Variants in PRKCH observed in about 807,000 individuals in gnomAD.
PRKCH encodes protein kinase C eta type.
In PRKCH, 28 loss-of-function variants were observed where a neutral mutation model predicts 82.5. The observed-to-expected ratio is 0.34, with a 90% CI of 0.25 to 0.47. The LOEUF (loss-of-function observed/expected upper bound fraction) is 0.47. Ranked by LOEUF, PRKCH falls within the 20% of genes least tolerant of loss-of-function variation. The pLI is 1.00. For missense variants in PRKCH, 705 were observed against 881.8 expected (o/e 0.80, Z 2.54); for synonymous variants, 322 against 327.4 (o/e 0.98, Z 0.18).
chr14:61,194,652 C>T (rs1214508783), intron 1 of PRKCH, among the ~76,000 whole-genome samples: 1 of 152,056 alleles, frequency 6.6e-6, no homozygotes, highest in African/African-American at 2.4e-5. Context: ...ATCCATTTAC[C>T]CTATTTTGGC....
At chr14:61,378,149 T>C (rs576717902) in intron 1 of PRKCH, among the ~76,000 whole-genome samples, 1 of 152,284 alleles carries the variant, frequency 6.6e-6, no homozygotes, top group South Asian at 2.1e-4. Context: ...ATTCAGGGTC[T>C]CACTTCCCAG....
At chr14:61,357,866 C>G (rs1418721067) in intron 1 of PRKCH, among the ~76,000 whole-genome samples, 1 of 152,024 alleles carries the variant, frequency 6.6e-6, no homozygotes, top group Non-Finnish European at 1.5e-5. Context: ...TATACTCTGG[C>G]CTTGGGACTT....
intron 10 of PRKCH, among the ~76,000 whole-genome samples, chr14:61,513,360 C>T (rs1406349986): frequency 6.6e-6 from 1 of 152,136 alleles, no homozygotes. Context: ...GGGAAACCAA[C>T]AGATGCAATC....
At chr14:61,527,231 T>A (rs1406085780) in intron 10 of PRKCH, among the ~76,000 whole-genome samples, 2 of 151,774 alleles carry the variant, frequency 1.3e-5, no homozygotes, top group African/African-American at 4.8e-5. Flanking sequence ...AATTTGCTCT[T>A]AGGGATTGGA....
intron 1 of PRKCH, among the ~76,000 whole-genome samples, chr14:61,350,408 G>C (rs911679847): frequency 2.0e-5 from 3 of 152,150 alleles, no homozygotes; most frequent in Non-Finnish European, 4.4e-5. Context: ...CAGATATTTA[G>C]ATCTATGGGC....
chr14:61,431,850 A>G (rs1055605944), intron 2 of PRKCH, among the ~76,000 whole-genome samples: 1 of 152,164 alleles, frequency 6.6e-6, no homozygotes, highest in Non-Finnish European at 1.5e-5. Flanking sequence ...ATGTGGCTGC[A>G]TTGCATGTCT....
chr14:61,534,759 G>A (rs1380378213), intron 12 of PRKCH, among the ~76,000 whole-genome samples: 1 of 152,144 alleles, frequency 6.6e-6, no homozygotes, highest in Non-Finnish European at 1.5e-5. Context: ...AGAATGGAAA[G>A]AACACACCCT....
In PRKCH at chr14:61,549,748, C is replaced by T; in HGVS notation, c.1969C>T (p.Pro657Ser). The T allele has an allele frequency of 6.2e-7, 1 of 1,613,842 alleles. No homozygotes were observed. Among genetic ancestry groups the T allele is most frequent in the Non-Finnish European group, 8.5e-7 (1 of 1,179,942 alleles). Residue 657 changes from proline to serine, a missense_variant, in exon 14 of 14, where the codon CCA becomes TCA. Transcript: ENST00000332981. ...DFIKEEPVLTPIDEGHLPMIN... is the reference protein window; with the variant it reads ...DFIKEEPVLTSIDEGHLPMIN... Reference sequence around the variant, plus strand: ...CATAAAGGAAGAGCCAGTTTTAACTCCAATTGATGAGGGACATCTTCCAAT... The same window carrying T: ...CATAAAGGAAGAGCCAGTTTTAACTTCAATTGATGAGGGACATCTTCCAAT...
At chr14:61,358,057 A>C (rs1349282663) in intron 1 of PRKCH, among the ~76,000 whole-genome samples, 1 of 152,008 alleles carries the variant, frequency 6.6e-6, no homozygotes, top group East Asian at 1.9e-4. Context: ...GAATTTAGAG[A>C]CCATATTATA....
intron 10 of PRKCH, 84 bp downstream of exon 10, chr14:61,485,740 A>G: frequency 6.8e-7 from 1 of 1,461,712 alleles, no homozygotes; most frequent in Non-Finnish European, 9.2e-7. Flanking sequence ...TCTCATGATA[A>G]TCAGTTGAAA....
intron 1 of PRKCH, chr14:61,303,663 T>C (rs1594900222): frequency 6.6e-6 from 1 of 152,058 alleles, no homozygotes; most frequent in Non-Finnish European, 1.5e-5. Context: ...GACTGTTTAG[T>C]TCATTTATAT....
In PRKCH at chr14:61,205,560, A is replaced by G. The variant is rs141474543; in HGVS notation, c.-19+17892A>G. Among the ~76,000 whole-genome samples, 777 of 152,190 alleles carry G rather than the reference A, an allele frequency of 5.1e-3. 15 individuals carry two copies. Among genetic ancestry groups the G allele is most frequent in the African/African-American group, 0.017 (714 of 41,510 alleles). The stretch of plus-strand genomic sequence containing the variant: ...CCTGAATTCCCTTAGCCCACATCTG[A>G]GTTGACCTGTGTGAGGTGAGCACTT... On this transcript the variant is annotated intron_variant, in intron 1 of 3. Transcript: ENST00000555185.
intron 10 of PRKCH, among the ~76,000 whole-genome samples, chr14:61,490,937 A>G (rs1344231506): frequency 6.6e-6 from 1 of 151,712 alleles, no homozygotes; most frequent in Non-Finnish European, 1.5e-5. Flanking sequence ...AAAACAAACA[A>G]AAAAAAATGG....
chr14:61,523,192 C>T (rs1486997212), intron 10 of PRKCH, among the ~76,000 whole-genome samples: 1 of 152,368 alleles, frequency 6.6e-6, no homozygotes, highest in African/African-American at 2.4e-5. Flanking sequence ...ATTTGCTGTG[C>T]ACTCCCCTAT....
chr14:61,404,151 C>T (rs1026886577), intron 2 of PRKCH, among the ~76,000 whole-genome samples: 21 of 152,146 alleles, frequency 1.4e-4, no homozygotes, highest in Admixed American at 6.5e-5. Context: ...CCGTGAAACT[C>T]GTCTTCAGCA....
chr14:61,490,935 C>CA (rs905379479), intron 10 of PRKCH, among the ~76,000 whole-genome samples: 84 of 150,696 alleles, frequency 5.6e-4, no homozygotes, highest in East Asian at 2.3e-3. Flanking sequence ...CAAAAACAAA[C>CA]AAAAAAAAAT....
intron 6 of PRKCH, chr14:61,452,983 GA>G (rs1338893062): frequency 2.0e-6 from 1 of 511,760 alleles, no homozygotes. Flanking sequence ...AATCATGGTG[GA>G]AAAAATGTAT....
At chr14:61,364,053 T>TTG (rs1057120062) in intron 1 of PRKCH, among the ~76,000 whole-genome samples, 1 of 147,254 alleles carries the variant, frequency 6.8e-6, no homozygotes, top group Non-Finnish European at 1.5e-5. Flanking sequence ...ATATATATAT[T>TTG]TGTGTGTATA....
chr14:61,449,447 C>T (rs1478075063), intron 5 of PRKCH, among the ~76,000 whole-genome samples, 195 bp downstream of exon 5: 1 of 151,814 alleles, frequency 6.6e-6, no homozygotes, highest in East Asian at 1.9e-4. Context: ...AGAAATGTCT[C>T]TCTCCCTTTT....
Sources: allele counts gnomAD v4.1 joint callset (sites outside exome capture counted in the v4.1 genomes callset), GRCh38; gene constraint gnomAD v4.1.1; transcripts MANE v1.5; gene names NCBI Gene and HGNC (gene_info 2026-07-23, HGNC 2026-07-21).